Variants in MYH4 observed in about 807,000 individuals in gnomAD.
MYH4 encodes myosin-4.
A neutral mutation model predicts 229.9 loss-of-function variants in MYH4; 200 were observed. That is an observed-to-expected ratio of 0.87 (90% CI 0.78 to 0.98). The LOEUF (loss-of-function observed/expected upper bound fraction) is 0.98, where lower values mean the gene tolerates loss of function less well. MYH4 is among the 50% of genes least tolerant of loss of function. The pLI is 0.00. For missense variants in MYH4, 2,148 were observed against 2,332.6 expected (o/e 0.92, Z 1.63); for synonymous variants, 761 against 834.6 (o/e 0.91, Z 1.52).
intron 28 of MYH4, 85 bp from the exon 29 acceptor site, chr17:10,450,980 T>G: frequency 8.7e-7 from 1 of 1,151,242 alleles, no homozygotes. Flanking sequence ...GTAACCCTCT[T>G]ATTTCATATG....
chr17:10,462,945 G>T lies in MYH4; in HGVS notation c.928C>A (p.Pro310Thr). ...TGGCTGACAAATGCGAAGTCATATG[G>T]GTTGGTGGTGATCAGAAGCATTTCT... ...LIEMLLITTN[P>T]YDFAFVSQGE... The change falls in exon 11 of 40, where the codon CCA becomes ACA. Residue 310 changes from proline (P) to threonine (T), a missense_variant. Coordinates refer to ENST00000255381, the MANE Select transcript of MYH4 (RefSeq NM_017533.2). The T allele has an allele frequency of 1.2e-6, 2 of 1,614,048 alleles. No homozygotes were observed. The highest frequency in any genetic ancestry group is 2.2e-5 in the East Asian group (1 of 44,880).
Position 10,451,472 on chromosome 17 carries a change from A to G in MYH4, c.3739-20T>C. On this transcript the variant is annotated intron_variant, in intron 27 of 39. Coordinates refer to ENST00000255381, the MANE Select transcript of MYH4 (RefSeq NM_017533.2). ...GTTTGCCTGGGGTGAGAGGTAGAAA[A>G]CAGGAAGAGACAATACATTTTTATT... 6.2e-7 allele frequency: 1 copy of G among 1,608,086 alleles called. No homozygotes were observed. Among genetic ancestry groups the G allele is most frequent in the Non-Finnish European group, 8.5e-7 (1 of 1,177,880 alleles).
intron 16 of MYH4, 148 bp from the exon 17 acceptor site, chr17:10,456,703 C>A: frequency 1.6e-6 from 1 of 629,964 alleles, no homozygotes; most frequent in Non-Finnish European, 2.8e-6. Flanking sequence ...TCTCTCCTCC[C>A]TCAATTGTAG....
chr17:10,452,407 A>G lies in MYH4; in HGVS notation c.3348+9T>C. On this transcript the variant is annotated intron_variant, in intron 26 of 39. Transcript: ENST00000255381. ...GTAATGCCCAGAAAAGGTGGAGGTT[A>G]TAACTTACCTGTAATTCTTTGATCT... is the stretch of plus-strand genomic sequence containing the variant. 1 of 1,614,160 alleles carries G rather than the reference A, an allele frequency of 6.2e-7. No individual in the cohort carries two copies.
Position 10,453,819 on chromosome 17 carries a change from C to T in MYH4, c.2758G>A (p.Glu920Lys), listed in dbSNP as rs745775188. The T allele has an allele frequency of 1.4e-5, 22 of 1,614,118 alleles. No homozygotes were observed. The South Asian group carries it at 2.3e-4, about 17-fold the overall frequency. The change falls in exon 23 of 40, where the codon GAG becomes AAG. Residue 920 changes from glutamate to lysine, a missense_variant. By Grantham distance (56) the Glu-to-Lys change is moderately conservative (BLOSUM62 1). Coordinates refer to ENST00000255381, the MANE Select transcript of MYH4 (RefSeq NM_017533.2). ...DQLIKTKIQL[E>K]AKIKEVTERA... ...TCAGTTACCTCTTTGATTTTGGCCTCAAGTTGGATTTTGGTTTTAATCAAC... is the reference window on the plus strand; with the variant it reads ...TCAGTTACCTCTTTGATTTTGGCCTTAAGTTGGATTTTGGTTTTAATCAAC...
intron 15 of MYH4, 140 bp from the exon 16 acceptor site, chr17:10,457,869 T>A: frequency 8.4e-7 from 1 of 1,184,880 alleles, no homozygotes; most frequent in South Asian, 1.6e-5. Context: ...TGTGAAGCAG[T>A]CATTATGTAC....
At position 10,450,841 on chromosome 17, in the gene MYH4, C is replaced by T. The variant is rs531306170; in HGVS notation, c.3920G>A (p.Arg1307Gln). 6.2e-6 allele frequency: 10 copies of T among 1,614,082 alleles called. No individual in the cohort carries two copies. Among genetic ancestry groups the T allele is most frequent in the East Asian group, 4.5e-5 (2 of 44,880 alleles). ...CTGTTGTGTAAATGCTTGTTTGCCTCGGGATAGCTGAGAAACCATAGCATC... is the reference window on the plus strand; with the variant it reads ...CTGTTGTGTAAATGCTTGTTTGCCTTGGGATAGCTGAGAAACCATAGCATC... Reference protein sequence around the residue: ...EKDAMVSQLSRGKQAFTQQIE... With the variant: ...EKDAMVSQLSQGKQAFTQQIE... The change falls in exon 29 of 40, where the codon CGA becomes CAA. Residue 1307 changes from arginine to glutamine, a missense_variant. Arg to Gln is a conservative substitution (Grantham distance 43). Transcript: ENST00000255381.
rs1238827538 is a variant in MYH4 at position 10,448,794 on chromosome 17, A to G, written c.4366-11T>C. 6.2e-6 allele frequency: 10 copies of G among 1,613,562 alleles called. No homozygotes were observed. The highest frequency in any genetic ancestry group is 4.4e-5 in the South Asian group (4 of 91,028). On this transcript the variant is annotated splice_polypyrimidine_tract_variant and intron_variant, in intron 31 of 39. Transcript: ENST00000255381. ...CCATTCTGCCAGAACCTGGAAGTAT[A>G]TAGAAAATAAGCCTTTGAAACCAAG...
chr17:10,449,603 G>A (rs759688546), intron 30 of MYH4, among the ~76,000 whole-genome samples: 1 of 152,178 alleles, frequency 6.6e-6, no homozygotes, highest in Non-Finnish European at 1.5e-5. Context: ...TTCTAGTATG[G>A]TTCTGTTTAT....
At chr17:10,459,543 G>T (rs1018597970) in intron 14 of MYH4, 122 bp from the exon 15 acceptor site, 63 of 1,503,332 alleles carry the variant, frequency 4.2e-5, no homozygotes, top group Non-Finnish European at 5.2e-5. Flanking sequence ...CCTTCAGATT[G>T]TTTTCCTATT....
At chr17:10,467,924 T>C (rs2072784897) in intron 2 of MYH4, among the ~76,000 whole-genome samples, 1 of 152,234 alleles carries the variant, frequency 6.6e-6, no homozygotes, top group African/African-American at 2.4e-5. Context: ...ACAGCAATGA[T>C]GGCGACAACA....
intron 20 of MYH4, 33 bp from the exon 21 acceptor site, chr17:10,455,110 C>T: frequency 6.2e-7 from 1 of 1,613,966 alleles, no homozygotes; most frequent in Non-Finnish European, 8.5e-7. Context: ...ATGTTATTTC[C>T]ACTTACAGGA....
chr17:10,468,178 A>G (rs1172882806), intron 2 of MYH4, among the ~76,000 whole-genome samples: 1 of 152,204 alleles, frequency 6.6e-6, no homozygotes, highest in African/African-American at 2.4e-5. Flanking sequence ...ATATTACATT[A>G]TATTTTGTTT....
rs768896740 is a variant in MYH4, at chr17:10,450,765, G to T, written c.3984+12C>A. The T allele has an allele frequency of 3.1e-6, 5 of 1,611,358 alleles. No homozygotes were observed. The South Asian group carries it at 5.5e-5, about 18-fold the overall frequency. On this transcript the variant is annotated intron_variant, in intron 29 of 39. Transcript: ENST00000255381. Reference sequence around the variant, plus strand: ...TTCAAGTGATTGAAAGTATCAGCTGGAGAATTCTCACCTTAGTCTCCTCTT... The same window carrying T: ...TTCAAGTGATTGAAAGTATCAGCTGTAGAATTCTCACCTTAGTCTCCTCTT...
chr17:10,469,180 G>A (rs555733931), intron 2 of MYH4, 108 bp downstream of exon 2: 11 of 152,238 alleles, frequency 7.2e-5, no homozygotes, highest in South Asian at 4.2e-4. Flanking sequence ...CAGCTGCCCC[G>A]ATATCCTATT....
intron 15 of MYH4, among the ~76,000 whole-genome samples, chr17:10,458,302 T>C (rs969511129): frequency 6.6e-6 from 1 of 152,150 alleles, no homozygotes; most frequent in South Asian, 2.1e-4. Flanking sequence ...AAATTCAACA[T>C]TGATGATTTA....
At chr17:10,448,235 C>T in intron 33 of MYH4, 109 bp from the exon 34 acceptor site, 1 of 1,299,036 alleles carries the variant, frequency 7.7e-7, no homozygotes, top group Non-Finnish European at 1.0e-6. Flanking sequence ...TATCATACGT[C>T]TTAATGTAGC....
rs771480181 is a variant in MYH4 at position 10,453,726 on chromosome 17, A to C, written c.2851T>G (p.Cys951Gly). The C allele has an allele frequency of 5.6e-6, 9 of 1,613,936 alleles. No homozygotes were observed. In the Admixed American group the frequency reaches 1.0e-4, roughly 18 times the overall value. ...TAKKRKLEDECSELKKDIDDL... is the reference protein window; with the variant it reads ...TAKKRKLEDEGSELKKDIDDL... ...TCAATGTCTTTCTTGAGCTCTGAAC[A>C]TTCATCCTCCAGTTTCCTCTTCTTG... The change falls in exon 23 of 40, where the codon TGT becomes GGT. Residue 951 changes from cysteine to glycine, a missense_variant. By Grantham distance (159) the Cys-to-Gly change is radical. Transcript: ENST00000255381.
Position 10,456,558 on chromosome 17 carries a change from A to G in MYH4, c.1898-3T>C. The G allele has an allele frequency of 6.2e-7, 1 of 1,613,402 alleles. No individual in the cohort carries two copies. The highest frequency in any genetic ancestry group is 8.5e-7 in the Non-Finnish European group (1 of 1,179,468). On this transcript the variant is annotated splice_region_variant and splice_polypyrimidine_tract_variant and intron_variant, in intron 16 of 39. Coordinates refer to ENST00000255381, the MANE Select transcript of MYH4 (RefSeq NM_017533.2). The stretch of plus-strand genomic sequence containing the variant: ...ACCTTTCTTTCCACCACCACCCTCT[A>G]AAAAACAAAATGGGAAAAATAAAGT...
Sources: gnomAD v4.1 joint callset for allele counts (sites outside exome capture counted in the v4.1 genomes callset) on GRCh38, gnomAD v4.1.1 for gene constraint, MANE v1.5 for transcripts, NCBI Gene and HGNC (gene_info 2026-07-23, HGNC 2026-07-21) for gene names.